Variants in MACROD2 observed in about 807,000 individuals in gnomAD.
MACROD2 encodes ADP-ribose glycohydrolase MACROD2.
Under a neutral mutation model 70.4 loss-of-function variants are expected in MACROD2, and 36 were observed. The ratio of observed to expected loss-of-function variants is 0.51; its 90% confidence interval spans 0.39 to 0.68. The LOEUF (loss-of-function observed/expected upper bound fraction) is 0.68. Ranked by LOEUF, MACROD2 falls within the 30% of genes least tolerant of loss-of-function variation. MACROD2 has a pLI of 0.00. For synonymous variants in MACROD2, 172 were observed against 178.8 expected (o/e 0.96, Z 0.30); for missense variants, 496 against 538.4 (o/e 0.92, Z 0.78).
In MACROD2 at chr20:15,918,839, C is replaced by T. The variant is rs1210599038; in HGVS notation, c.776-14437C>T. On this transcript the variant is annotated intron_variant, in intron 10 of 17. Coordinates refer to ENST00000684519, the MANE Select transcript of MACROD2 (RefSeq NM_001351661.2). ...ACATCCACTGCCTCCTCATGGGGCT[C>T]CACCTGTTTAGGGAGGAAGGGGCTC... Among the ~76,000 whole-genome samples the T allele has an allele frequency of 2.6e-5, 4 of 152,258 alleles. No homozygotes were observed. In the East Asian group the frequency reaches 7.7e-4, roughly 29 times the overall value.
intron 11 of MACROD2, among the ~76,000 whole-genome samples, chr20:15,934,356 G>A (rs993113699): frequency 1.1e-4 from 17 of 152,198 alleles, no homozygotes; most frequent in Non-Finnish European, 1.9e-4. Context: ...AACTGAAGAA[G>A]GCCAATCAGA....
At chr20:14,098,927 A>T (rs1434620775) in intron 3 of MACROD2, among the ~76,000 whole-genome samples, 2 of 152,180 alleles carry the variant, frequency 1.3e-5, no homozygotes, top group Admixed American at 6.5e-5. Flanking sequence ...ACACACAGAA[A>T]TATATAGCTT....
chr20:15,933,988 G>T (rs1414921708), intron 11 of MACROD2, among the ~76,000 whole-genome samples: 1 of 152,100 alleles, frequency 6.6e-6, no homozygotes, highest in African/African-American at 2.4e-5. Context: ...GCTCAAAAGG[G>T]ATTGAAGTCA....
intron 6 of MACROD2, among the ~76,000 whole-genome samples, chr20:15,270,599 A>G (rs982311088): frequency 6.6e-6 from 1 of 152,230 alleles, no homozygotes; most frequent in Non-Finnish European, 1.5e-5. Context: ...TCAATTTTAC[A>G]ATACAATAAC....
chr20:15,602,313 C>T (rs1295054287), intron 8 of MACROD2, among the ~76,000 whole-genome samples: 1 of 152,244 alleles, frequency 6.6e-6, no homozygotes, highest in Admixed American at 6.5e-5. Flanking sequence ...CAGCACAGCT[C>T]TGAAAGGTCA....
intron 5 of MACROD2, among the ~76,000 whole-genome samples, chr20:14,835,480 T>C (rs2073019313): frequency 6.6e-6 from 1 of 151,996 alleles, no homozygotes; most frequent in African/African-American, 2.4e-5. Context: ...ATTAGGAAAT[T>C]GATATTAAGT....
intron 10 of MACROD2, among the ~76,000 whole-genome samples, chr20:15,897,655 G>A (rs1357734581): frequency 6.6e-6 from 1 of 151,170 alleles, no homozygotes; most frequent in Non-Finnish European, 1.5e-5. Context: ...TATTTAATCT[G>A]ATGTTTAACT....
At chr20:15,457,983 A>C (rs1217581657) in intron 7 of MACROD2, among the ~76,000 whole-genome samples, 2 of 151,612 alleles carry the variant, frequency 1.3e-5, no homozygotes, top group Admixed American at 6.6e-5. Context: ...AAACAAGTCT[A>C]AGTACCTAGG....
At chr20:15,403,912 A>G (rs2045963610) in intron 6 of MACROD2, among the ~76,000 whole-genome samples, 1 of 152,232 alleles carries the variant, frequency 6.6e-6, no homozygotes, top group Non-Finnish European at 1.5e-5. Context: ...ACTCATGTTA[A>G]CTATAATGGT....
intron 8 of MACROD2, among the ~76,000 whole-genome samples, chr20:15,515,451 C>T (rs2047554647): frequency 6.6e-6 from 1 of 152,222 alleles, no homozygotes; most frequent in African/African-American, 2.4e-5. Flanking sequence ...TGCTCAAATA[C>T]TGCATCTTTG....
At position 15,118,193 on chromosome 20, in the gene MACROD2, TAA is replaced by T. The variant is rs915782905; in HGVS notation, c.419-111745_419-111744del. ...ATCTAAAGTGAGCTTTTTTTAATTT[TAA>T]ATTTTTTTTTTTTTTTGAGCCAGGG... On this transcript the variant is annotated intron_variant, in intron 5 of 17. Coordinates refer to ENST00000684519, the MANE Select transcript of MACROD2 (RefSeq NM_001351661.2). 1.9e-4 allele frequency among the ~76,000 whole-genome samples: 10 copies of T among 51,488 alleles called. No homozygotes were observed. In the South Asian group the frequency reaches 8.2e-3, roughly 42 times the overall value. 33.8% of individuals were successfully genotyped at this position (51,488 alleles called of 152,430 possible).
At chr20:15,333,021 T>C (rs2078009555) in intron 6 of MACROD2, among the ~76,000 whole-genome samples, 1 of 151,678 alleles carries the variant, frequency 6.6e-6, no homozygotes, top group African/African-American at 2.4e-5. Context: ...GGGTAGATGC[T>C]CTTTAGGCTT....
In MACROD2 at chr20:14,113,898, GTTTA is replaced by G. The variant is rs1001926368; in HGVS notation, c.271+28177_271+28180del. ...GGTATGCCCATGGAGGTGAACTAAG[GTTTA>G]TTTATTCATTAATATTTATAAATTA... On this transcript the variant is annotated intron_variant, in intron 3 of 17. Coordinates refer to ENST00000684519, the MANE Select transcript of MACROD2 (RefSeq NM_001351661.2). Among the ~76,000 whole-genome samples, 98 of 152,096 alleles carry G rather than the reference GTTTA, an allele frequency of 6.4e-4. 1 individual carries two copies. Among genetic ancestry groups the G allele is most frequent in the African/African-American group, 2.3e-3 (95 of 41,486 alleles).
At chr20:14,838,948 C>G (rs2073058984) in intron 5 of MACROD2, among the ~76,000 whole-genome samples, 1 of 152,026 alleles carries the variant, frequency 6.6e-6, no homozygotes, top group Admixed American at 6.6e-5. Flanking sequence ...TTTGAAATGT[C>G]TTTGTGGTCA....
In MACROD2 at chr20:15,807,045, G is replaced by A. The variant is rs183114925; in HGVS notation, c.646-55700G>A. 4.6e-3 allele frequency among the ~76,000 whole-genome samples: 693 copies of A among 152,286 alleles called. 8 individuals carry two copies. The highest frequency in any genetic ancestry group is 5.9e-3 in the Non-Finnish European group (402 of 68,018). On this transcript the variant is annotated intron_variant, in intron 8 of 17. Transcript: ENST00000684519. ...GATCTTTGCTTGGCCTTGTTTTATG[G>A]ATGGAATTTTTAATATTCCGTCCAT...
At chr20:14,223,311 A>G (rs966305256) in intron 3 of MACROD2, 1 of 152,230 alleles carries the variant, frequency 6.6e-6, no homozygotes, top group Non-Finnish European at 1.5e-5. Context: ...CACAGGACAG[A>G]AAGTACCTGA....
intron 5 of MACROD2, among the ~76,000 whole-genome samples, chr20:15,192,572 A>T (rs889356514): frequency 1.3e-5 from 2 of 152,202 alleles, no homozygotes; most frequent in African/African-American, 4.8e-5. Context: ...AGAAGCCTCC[A>T]GTGCCAGGCA....
chr20:15,867,529 C>A (rs1449700990), intron 9 of MACROD2, among the ~76,000 whole-genome samples: 7 of 152,054 alleles, frequency 4.6e-5, no homozygotes, highest in Non-Finnish European at 1.0e-4. Flanking sequence ...TGGCCTACAG[C>A]AAATAATATT....
chr20:15,048,310 C>T (rs1411462074), intron 5 of MACROD2, among the ~76,000 whole-genome samples: 2 of 152,018 alleles, frequency 1.3e-5, no homozygotes, highest in Non-Finnish European at 2.9e-5. Flanking sequence ...AACAAAGCTT[C>T]GTGGTTTGAA....
Sources: gnomAD v4.1 joint callset for allele counts (sites outside exome capture counted in the v4.1 genomes callset) on GRCh38, gnomAD v4.1.1 for gene constraint, MANE v1.5 for transcripts, NCBI Gene and HGNC (gene_info 2026-07-23, HGNC 2026-07-21) for gene names.